NRXN3: variants seen among roughly 807,000 people sequenced by gnomAD.
The protein encoded by NRXN3 is neurexin III.
NRXN3 carries 32 observed loss-of-function variants against 137.6 expected under a neutral mutation model. The observed-to-expected ratio is 0.23, with a 90% confidence interval of 0.18 to 0.31. The LOEUF (loss-of-function observed/expected upper bound fraction) is 0.31. Ranked by LOEUF, NRXN3 falls within the 10% of genes least tolerant of loss-of-function variation. The pLI is 1.00. For synonymous variants in NRXN3, 798 were observed against 784.5 expected (o/e 1.02, Z -0.29); for missense variants, 1,574 against 2,062.5 (o/e 0.76, Z 4.59).
chr14:78,625,120 G>A (rs925071927), intron 4 of NRXN3, among the ~76,000 whole-genome samples: 10 of 152,192 alleles, frequency 6.6e-5, no homozygotes, highest in Admixed American at 1.3e-4. Flanking sequence ...GATTACAGGC[G>A]TGAGCCACCG....
chr14:78,941,919 C>T (rs1311218739), intron 10 of NRXN3, among the ~76,000 whole-genome samples: 4 of 152,186 alleles, frequency 2.6e-5, no homozygotes, highest in African/African-American at 9.6e-5. Context: ...GCACCACCAT[C>T]AGCAAAAGGG....
intron 15 of NRXN3, among the ~76,000 whole-genome samples, chr14:79,440,738 C>A (rs1465372832): frequency 6.6e-6 from 1 of 151,510 alleles, no homozygotes; most frequent in African/African-American, 2.4e-5. Flanking sequence ...ACCACACTTT[C>A]AAAAAAAAAT....
chr14:78,695,283 G>T (rs1267394155), intron 6 of NRXN3: 4 of 152,020 alleles, frequency 2.6e-5, no homozygotes, highest in African/African-American at 7.3e-5. Context: ...CATCTGTAAA[G>T]ACTCCTTTCC....
chr14:78,927,108 T>C (rs1275068212), intron 10 of NRXN3, among the ~76,000 whole-genome samples: 3 of 131,452 alleles, frequency 2.3e-5, no homozygotes, highest in Non-Finnish European at 4.7e-5. Context: ...TGAGTCGTGA[T>C]TGTGCCACTG....
intron 19 of NRXN3, among the ~76,000 whole-genome samples, chr14:79,784,431 T>C (rs2099123011): frequency 6.6e-6 from 1 of 152,176 alleles, no homozygotes; most frequent in Non-Finnish European, 1.5e-5. Flanking sequence ...TCTTTATTTT[T>C]TCCTCCAAAG....
intron 19 of NRXN3, among the ~76,000 whole-genome samples, chr14:79,763,860 G>A (rs12586501): frequency 0.12 from 18,856 of 151,510 alleles, 1,477 homozygotes; most frequent in Middle Eastern, 0.22. Flanking sequence ...TTTGGGTGGC[G>A]GGGTGGGGCA....
rs149710366 is a variant in NRXN3 at position 78,228,635 on chromosome 14, G to T, written c.-703-13756G>T. Among the ~76,000 whole-genome samples the T allele has an allele frequency of 3.0e-3, 459 of 152,132 alleles. 3 individuals are homozygous for T. The highest frequency in any genetic ancestry group is 0.011 in the African/African-American group (442 of 41,474). On this transcript the variant is annotated intron_variant, in intron 1 of 20. Coordinates refer to ENST00000335750, the MANE Select transcript of NRXN3 (RefSeq NM_001330195.2). Reference sequence around the variant, plus strand: ...CATGTAAGTGCTAATATTACCTCTCGCATTTTACAAATGAGAACACTGAGG... The same window carrying T: ...CATGTAAGTGCTAATATTACCTCTCTCATTTTACAAATGAGAACACTGAGG...
At chr14:79,631,936 G>C (rs1373594749) in intron 16 of NRXN3, among the ~76,000 whole-genome samples, 1 of 152,074 alleles carries the variant, frequency 6.6e-6, no homozygotes, top group African/African-American at 2.4e-5. Flanking sequence ...CTGTCAAAAC[G>C]GACCAATCAG....
At chr14:78,404,156 C>A (rs1567493263) in intron 4 of NRXN3, among the ~76,000 whole-genome samples, 1 of 151,494 alleles carries the variant, frequency 6.6e-6, no homozygotes, top group Non-Finnish European at 1.5e-5. Flanking sequence ...TGCCTGGCCC[C>A]AGAACAGGGT....
At position 78,243,190 on chromosome 14, in the gene NRXN3, C is replaced by G; in HGVS notation, c.97C>G (p.Leu33Val). 1.9e-6 allele frequency: 3 copies of G among 1,544,878 alleles called. No individual in the cohort carries two copies. The highest frequency in any genetic ancestry group is 2.6e-6 in the Non-Finnish European group (3 of 1,152,116). Residue 33 changes from leucine (L) to valine (V), a missense_variant, in exon 2 of 21, where the codon CTC becomes GTC. Around this residue, in one of 5 missense-constraint regions of NRXN3, gnomAD observed 400 missense variants for 527.3 expected, o/e 0.76. Coordinates refer to ENST00000335750, the MANE Select transcript of NRXN3 (RefSeq NM_001330195.2). This position sits in a 1 kb window ranked among gnomAD's most constrained non-coding sequence, Gnocchi z 4.2. The stretch of plus-strand genomic sequence containing the variant: ...CTGCCTGGGCCTTGAGTTCATGGGC[C>G]TCCCCAACCAGTGGGCCCGCTACCT... ...GLCLGLEFMGLPNQWARYLRW... is the reference protein window; with the variant it reads ...GLCLGLEFMGVPNQWARYLRW...
At chr14:79,016,033 A>T (rs945003331) in intron 15 of NRXN3, among the ~76,000 whole-genome samples, 9 of 152,112 alleles carry the variant, frequency 5.9e-5, no homozygotes, top group Admixed American at 1.3e-4. Context: ...GACTTTCCAA[A>T]GCAAGTGTCT....
intron 4 of NRXN3, among the ~76,000 whole-genome samples, chr14:78,530,796 T>A (rs1337291411): frequency 2.0e-5 from 3 of 152,246 alleles, no homozygotes; most frequent in Non-Finnish European, 4.4e-5. Context: ...TGTATTTGGC[T>A]GTAAAATTCA....
chr14:79,564,248 G>A (rs1015221298), intron 16 of NRXN3, among the ~76,000 whole-genome samples: 2 of 151,924 alleles, frequency 1.3e-5, no homozygotes, highest in Non-Finnish European at 2.9e-5. Flanking sequence ...GTTTATAGGT[G>A]TGCTGACCTT....
At chr14:78,239,302 C>A (rs1023998251) in intron 1 of NRXN3, among the ~76,000 whole-genome samples, 1 of 152,280 alleles carries the variant, frequency 6.6e-6, no homozygotes, top group East Asian at 1.9e-4. Flanking sequence ...GTAAACTTGT[C>A]CCCCACTAGT....
chr14:79,301,457 C>G (rs756011362), intron 15 of NRXN3, among the ~76,000 whole-genome samples: 12 of 152,024 alleles, frequency 7.9e-5, no homozygotes, highest in Non-Finnish European at 1.5e-4. Flanking sequence ...GCCACTCAAC[C>G]TGCGCTGCTC....
At chr14:79,689,610 T>G (rs2098708858) in intron 17 of NRXN3, among the ~76,000 whole-genome samples, 1 of 152,092 alleles carries the variant, frequency 6.6e-6, no homozygotes, top group South Asian at 2.1e-4. Context: ...TAAATGTCTT[T>G]AAAGCTGAGG....
intron 4 of NRXN3, among the ~76,000 whole-genome samples, chr14:78,302,754 G>A (rs936018243): frequency 1.3e-5 from 2 of 152,264 alleles, no homozygotes; most frequent in East Asian, 1.9e-4. Context: ...CCTTATCACC[G>A]TGGGGTGTGA....
intron 1 of NRXN3, among the ~76,000 whole-genome samples, chr14:78,207,016 A>C (rs2062257301): frequency 6.6e-6 from 1 of 151,962 alleles, no homozygotes; most frequent in Non-Finnish European, 1.5e-5. Context: ...GGTGTGCACC[A>C]CCATGCCTGG....
At chr14:78,721,357 A>T (rs918831228) in intron 8 of NRXN3, among the ~76,000 whole-genome samples, 2 of 152,130 alleles carry the variant, frequency 1.3e-5, no homozygotes, top group Non-Finnish European at 2.9e-5. Context: ...CTGGAGATGG[A>T]TCCTCTGACC....
Sources: allele counts gnomAD v4.1 joint callset (sites outside exome capture counted in the v4.1 genomes callset), GRCh38; gene constraint gnomAD v4.1.1; regional missense constraint gnomAD v4.1.1; non-coding constraint Gnocchi (gnomAD v3.1); transcripts MANE v1.5; gene names NCBI Gene and HGNC (gene_info 2026-07-23, HGNC 2026-07-21).